Variants in UNC13C observed in about 807,000 individuals in gnomAD.
The protein encoded by UNC13C is unc-13 homolog C, also known as protein unc-13 homolog C.
A neutral mutation model predicts 245.4 loss-of-function variants in UNC13C; 174 were observed. The observed-to-expected ratio is 0.71, with a 90% CI of 0.63 to 0.80. The LOEUF is 0.80. Ranked by LOEUF, UNC13C falls within the 30% of genes least tolerant of loss-of-function variation. The probability of loss-of-function intolerance (pLI) is 0.00; values close to 1 mark genes in which losing one functional copy is unlikely to be tolerated. For missense variants in UNC13C, 2,829 were observed against 2,602.9 expected (o/e 1.09, Z -1.89); for synonymous variants, 992 against 895.1 (o/e 1.11, Z -1.93).
chr15:54,600,540 G>T (rs747643747), intron 30 of UNC13C, among the ~76,000 whole-genome samples: 2 of 151,964 alleles, frequency 1.3e-5, no homozygotes, highest in Non-Finnish European at 2.9e-5. Flanking sequence ...TGTCCCTATG[G>T]TACTGACCTA....
At chr15:53,905,354 A>G in the UNC13C span, among the ~76,000 whole-genome samples, 725 of 151,348 alleles carry the variant, frequency 4.8e-3, 3 homozygotes, top group Non-Finnish European at 7.3e-3. Flanking sequence ...TCATCTTTAT[A>G]TATATATTAC....
Position 54,246,919 on chromosome 15 carries a change from A to C in UNC13C, c.3229-3306A>C, listed in dbSNP as rs568231976. Among the ~76,000 whole-genome samples, 13 of 152,252 alleles carry C rather than the reference A, an allele frequency of 8.5e-5. No homozygotes were observed. The East Asian group carries it at 9.7e-4, about 11-fold the overall frequency. On this transcript the variant is annotated intron_variant, in intron 7 of 32. Transcript: ENST00000260323. Reference sequence around the variant, plus strand: ...CCTTGTACTTAAAATAAAATTTGGAAATTTAAAAAGTTAAATAGATAAGCA... The same window carrying C: ...CCTTGTACTTAAAATAAAATTTGGACATTTAAAAAGTTAAATAGATAAGCA...
the UNC13C span, among the ~76,000 whole-genome samples, chr15:53,965,189 A>G: frequency 3.6e-4 from 55 of 152,306 alleles, no homozygotes; most frequent in African/African-American, 1.3e-3. Flanking sequence ...TAATGTAAAA[A>G]GTAGGCAAAT....
chr15:54,235,578 C>G (rs1032636886), intron 5 of UNC13C, among the ~76,000 whole-genome samples: 1 of 152,166 alleles, frequency 6.6e-6, no homozygotes, highest in East Asian at 1.9e-4. Context: ...AATTAATAAG[C>G]TCTTCTATTT....
At chr15:54,253,812 G>T (rs1470346504) in intron 8 of UNC13C, among the ~76,000 whole-genome samples, 1 of 152,126 alleles carries the variant, frequency 6.6e-6, no homozygotes, top group African/African-American at 2.4e-5. Flanking sequence ...TATTTTCCTT[G>T]ATTATGTTTT....
chr15:54,039,231 T>C (rs527597955), intron 2 of UNC13C, among the ~76,000 whole-genome samples: 1 of 152,374 alleles, frequency 6.6e-6, no homozygotes, highest in South Asian at 2.1e-4. Flanking sequence ...TATGTTTTAA[T>C]GTTTTCTCAT....
chr15:54,096,579 C>T (rs1899876340), intron 2 of UNC13C, among the ~76,000 whole-genome samples: 1 of 152,134 alleles, frequency 6.6e-6, no homozygotes, highest in Admixed American at 6.6e-5. Flanking sequence ...CCCCAGCTGC[C>T]AGAGTACCCT....
chr15:54,222,120 A>G (rs1015658945), intron 4 of UNC13C, among the ~76,000 whole-genome samples: 14 of 152,050 alleles, frequency 9.2e-5, no homozygotes, highest in Admixed American at 8.5e-4. Flanking sequence ...CGATCATACT[A>G]TATTAGTTAT....
chr15:54,259,872 C>A (rs372082218), intron 8 of UNC13C, among the ~76,000 whole-genome samples: 1 of 151,726 alleles, frequency 6.6e-6, no homozygotes, highest in Non-Finnish European at 1.5e-5. Flanking sequence ...TGTATTTTGT[C>A]TTTTCATAAG....
intron 30 of UNC13C, among the ~76,000 whole-genome samples, chr15:54,614,230 A>G (rs1182243624): frequency 6.6e-6 from 1 of 151,864 alleles, no homozygotes; most frequent in Non-Finnish European, 1.5e-5. Flanking sequence ...CTAGTGTCTT[A>G]TTCTGTTTTA....
chr15:53,977,383 T>C (rs1006085642), upstream of UNC13C, among the ~76,000 whole-genome samples: 13 of 152,218 alleles, frequency 8.5e-5, no homozygotes, highest in African/African-American at 2.4e-4. Flanking sequence ...TGGCAACTAT[T>C]ATTATTGAAT....
intron 4 of UNC13C, among the ~76,000 whole-genome samples, chr15:54,186,204 T>C (rs1419753821): frequency 1.3e-5 from 2 of 152,160 alleles, no homozygotes; most frequent in African/African-American, 4.8e-5. Context: ...TATACAATCA[T>C]GTCATCTGCA....
intron 23 of UNC13C, among the ~76,000 whole-genome samples, chr15:54,508,616 A>G (rs1300608121): frequency 6.6e-6 from 1 of 152,130 alleles, no homozygotes; most frequent in East Asian, 1.9e-4. Context: ...TATCTTGACC[A>G]GCCTTATACA....
chr15:53,998,760 A>G (rs893406142), intron 1 of UNC13C, among the ~76,000 whole-genome samples: 1 of 152,012 alleles, frequency 6.6e-6, no homozygotes, highest in African/African-American at 2.4e-5. Context: ...ATTTTATTAG[A>G]TTGATGATGT....
In UNC13C at chr15:54,015,256, A is replaced by G; in HGVS notation, c.2353A>G (p.Ile785Val). 1.2e-6 allele frequency: 2 copies of G among 1,613,562 alleles called. No individual in the cohort carries two copies. Among genetic ancestry groups the G allele is most frequent in the Non-Finnish European group, 1.7e-6 (2 of 1,179,766 alleles). ...PPKSWHSRLS[I>V]DLSDKTFSFP... ...CAAATCATGGCATAGTCGATTAAGCATTGACCTTTCTGATAAGACTTTCAG... is the reference window on the plus strand; with the variant it reads ...CAAATCATGGCATAGTCGATTAAGCGTTGACCTTTCTGATAAGACTTTCAG... Residue 785 changes from isoleucine to valine, a missense_variant, in exon 2 of 33, where the codon ATT becomes GTT. By Grantham distance (29) the Ile-to-Val change is conservative. Transcript: ENST00000260323.
intron 2 of UNC13C, among the ~76,000 whole-genome samples, chr15:54,111,736 G>GA (rs1176119995): frequency 4.6e-5 from 7 of 152,292 alleles, no homozygotes; most frequent in Non-Finnish European, 8.8e-5. Flanking sequence ...TGGGTAAATG[G>GA]AAAGCCTAAG....
At chr15:54,551,650 A>G (rs575008369) in intron 28 of UNC13C, among the ~76,000 whole-genome samples, 2 of 152,104 alleles carry the variant, frequency 1.3e-5, no homozygotes, top group African/African-American at 2.4e-5. Flanking sequence ...ATGACCTAAC[A>G]GGATTATTTC....
the UNC13C span, among the ~76,000 whole-genome samples, chr15:53,898,192 CACA>C: frequency 0.14 from 20,843 of 145,022 alleles, 1,740 homozygotes; most frequent in South Asian, 0.21. Context: ...TAATGACCAC[CACA>C]ACCACCACCA....
At chr15:54,383,777 C>T (rs1030549608) in intron 17 of UNC13C, among the ~76,000 whole-genome samples, 21 of 151,940 alleles carry the variant, frequency 1.4e-4, no homozygotes, top group Admixed American at 1.2e-3. Context: ...CAAAAGACTA[C>T]CAGAAAATTC....
Sources: gnomAD v4.1 joint callset for allele counts (sites outside exome capture counted in the v4.1 genomes callset) on GRCh38, gnomAD v4.1.1 for gene constraint, MANE v1.5 for transcripts, NCBI Gene and HGNC (gene_info 2026-07-23, HGNC 2026-07-21) for gene names.